BCKDHB: variants seen among roughly 807,000 people sequenced by gnomAD.
BCKDHB encodes branched chain keto acid dehydrogenase E1 subunit beta, also known as 2-oxoisovalerate dehydrogenase subunit beta, mitochondrial.
In BCKDHB, 41 loss-of-function variants were observed where a neutral mutation model predicts 48.5. The observed-to-expected ratio is 0.85, with a 90% CI of 0.66 to 1.10. BCKDHB has a LOEUF of 1.10. BCKDHB is among the 50% of genes least tolerant of loss of function. The probability of loss-of-function intolerance (pLI) is 0.00; values close to 1 mark genes in which losing one functional copy is unlikely to be tolerated. For missense variants in BCKDHB, 496 were observed against 494.2 expected, an observed-to-expected ratio of 1.00 and a Z score of -0.03; for synonymous variants, 201 against 174.8, an observed-to-expected ratio of 1.15 and a Z score of -1.18.
At chr6:80,224,113 C>T (rs983134447) in intron 8 of BCKDHB, among the ~76,000 whole-genome samples, 2 of 152,148 alleles carry the variant, frequency 1.3e-5, no homozygotes, top group Non-Finnish European at 1.5e-5. Context: ...CCAGATTTTC[C>T]ACTGGCTAAG....
intron 3 of BCKDHB, among the ~76,000 whole-genome samples, chr6:80,146,230 G>T (rs1307840390): frequency 1.3e-5 from 2 of 152,062 alleles, no homozygotes; most frequent in Admixed American, 1.3e-4. Flanking sequence ...TAAAGATGTG[G>T]TCCCTGCCTT....
At chr6:80,336,810 T>C (rs1013005277) in intron 9 of BCKDHB, among the ~76,000 whole-genome samples, 7 of 152,108 alleles carry the variant, frequency 4.6e-5, no homozygotes, top group Admixed American at 2.6e-4. Context: ...GCATCTCATG[T>C]GCATGGTGTT....
chr6:80,219,354 GC>G (rs1775310381), intron 8 of BCKDHB, among the ~76,000 whole-genome samples: 1 of 152,026 alleles, frequency 6.6e-6, no homozygotes, highest in South Asian at 2.1e-4. Context: ...TTGCAGGCAT[GC>G]ACCACGATGC....
chr6:80,336,310 T>C (rs1360243188), intron 9 of BCKDHB, among the ~76,000 whole-genome samples: 3 of 152,000 alleles, frequency 2.0e-5, no homozygotes, highest in Non-Finnish European at 4.4e-5. Context: ...AATACCATTC[T>C]CCAACTTTGT....
intron 3 of BCKDHB, among the ~76,000 whole-genome samples, chr6:80,132,242 A>T (rs1189553034): frequency 1.3e-5 from 2 of 151,848 alleles, no homozygotes; most frequent in African/African-American, 4.8e-5. Flanking sequence ...CTCCAAGCAG[A>T]CTCAGGCAGT....
chr6:80,253,286 G>A (rs1333969637), intron 8 of BCKDHB, among the ~76,000 whole-genome samples: 1 of 152,168 alleles, frequency 6.6e-6, no homozygotes, highest in East Asian at 1.9e-4. Flanking sequence ...TTTTGTGTGT[G>A]CAAAGACCTA....
intron 9 of BCKDHB, among the ~76,000 whole-genome samples, chr6:80,311,641 C>A (rs1348808988): frequency 6.6e-6 from 1 of 152,174 alleles, no homozygotes; most frequent in African/African-American, 2.4e-5. Context: ...CAGTTTTCTG[C>A]ATACGATTAG....
At chr6:80,428,394 G>A in the BCKDHB span, among the ~76,000 whole-genome samples, 5 of 152,050 alleles carry the variant, frequency 3.3e-5, no homozygotes. Flanking sequence ...TCTAGTAATG[G>A]GATCACTGGG....
At position 80,264,754 on chromosome 6, in the gene BCKDHB, T is replaced by G. The variant is rs375920643; in HGVS notation, c.952-8381T>G. ...TAAACAATTGAGATTTGATTATATA[T>G]TTTTCCATATGGAATATCATATTCT... On this transcript the variant is annotated intron_variant, in intron 8 of 9. Transcript: ENST00000320393. Among the ~76,000 whole-genome samples, 3 of 152,118 alleles carry G rather than the reference T, an allele frequency of 2.0e-5. No homozygotes were observed. The East Asian group carries it at 5.8e-4, about 29-fold the overall frequency.
chr6:80,255,881 C>A (rs755849596), intron 8 of BCKDHB, among the ~76,000 whole-genome samples: 4 of 152,128 alleles, frequency 2.6e-5, no homozygotes, highest in Non-Finnish European at 5.9e-5. Context: ...CACTAAAGTT[C>A]TTTTTGAACA....
chr6:80,381,901 A>G, the BCKDHB span, among the ~76,000 whole-genome samples: 55,647 of 98,564 alleles, frequency 0.56, 11,990 homozygotes, highest in East Asian at 0.74. Context: ...AATTCCTAAA[A>G]CCTGATTAAA....
At chr6:80,250,195 C>G (rs978814) in intron 8 of BCKDHB, among the ~76,000 whole-genome samples, 2 of 151,910 alleles carry the variant, frequency 1.3e-5, no homozygotes, top group African/African-American at 4.8e-5. Context: ...TCTTGATATT[C>G]TGGTTGAGGA....
Position 80,283,068 on chromosome 6 carries a change from G to A in BCKDHB, c.1038+9847G>A, listed in dbSNP as rs761948153. ...ATTTTAAAACCAATGCCACCTCACC[G>A]CATAAGATTTGGTTTTTCTGCAGGT... On this transcript the variant is annotated intron_variant, in intron 9 of 9. Transcript: ENST00000320393. Among the ~76,000 whole-genome samples the A allele has an allele frequency of 4.6e-5, 7 of 152,126 alleles. No individual in the cohort carries two copies. In the South Asian group the frequency reaches 6.2e-4, roughly 14 times the overall value.
At chr6:80,126,654 C>T (rs112378603) in intron 1 of BCKDHB, among the ~76,000 whole-genome samples, 34 of 152,032 alleles carry the variant, frequency 2.2e-4, no homozygotes, top group African/African-American at 8.0e-4. Context: ...AGGCTGAAGC[C>T]GTTCTGTGCT....
chr6:80,316,835 G>A (rs1253790824), intron 9 of BCKDHB, among the ~76,000 whole-genome samples: 1 of 152,154 alleles, frequency 6.6e-6, no homozygotes, highest in Non-Finnish European at 1.5e-5. Context: ...TCGCAGTGGA[G>A]GGCAGAAGCT....
intron 6 of BCKDHB, among the ~76,000 whole-genome samples, chr6:80,194,893 T>G (rs901493978): frequency 4.6e-5 from 7 of 152,208 alleles, no homozygotes; most frequent in Non-Finnish European, 8.8e-5. Flanking sequence ...GCCATAATAC[T>G]CAGTAAAACC....
intron 9 of BCKDHB, among the ~76,000 whole-genome samples, chr6:80,280,288 A>G (rs917478807): frequency 1.3e-5 from 2 of 152,212 alleles, no homozygotes; most frequent in South Asian, 4.1e-4. Context: ...AGCTGAAAAT[A>G]TTACTATAAT....
At chr6:80,205,455 C>T (rs1218204229) in intron 8 of BCKDHB, among the ~76,000 whole-genome samples, 1 of 151,936 alleles carries the variant, frequency 6.6e-6, no homozygotes, top group Non-Finnish European at 1.5e-5. Context: ...AAGGCAAAAA[C>T]GATTCGTTGA....
At chr6:80,369,566 C>T in the BCKDHB span, among the ~76,000 whole-genome samples, 1 of 152,210 alleles carries the variant, frequency 6.6e-6, no homozygotes, top group Non-Finnish European at 1.5e-5. Context: ...TTCTAGCCAC[C>T]TTTGCTTTAG....
Sources: gnomAD v4.1 joint callset for allele counts (sites outside exome capture counted in the v4.1 genomes callset) on GRCh38, gnomAD v4.1.1 for gene constraint, MANE v1.5 for transcripts, NCBI Gene and HGNC (gene_info 2026-07-23, HGNC 2026-07-21) for gene names.